ST8SIA6: variants seen among roughly 807,000 people sequenced by gnomAD.
ST8SIA6 encodes the protein alpha-2,8-sialyltransferase 8F.
Under a neutral mutation model 33.6 loss-of-function variants are expected in ST8SIA6, and 39 were observed. The ratio of observed to expected loss-of-function variants is 1.16; its 90% CI spans 0.90 to 1.52. ST8SIA6 has a LOEUF of 1.52. ST8SIA6 is among the 40% of genes most tolerant of loss of function. ST8SIA6 has a pLI of 0.00. For missense variants in ST8SIA6, 441 were observed against 443.8 expected, an observed-to-expected ratio of 0.99 and a Z score of 0.06; for synonymous variants, 172 against 167.2, an observed-to-expected ratio of 1.03 and a Z score of -0.22.
chr10:17,337,013 G>A lies in ST8SIA6; in HGVS notation c.378-5461C>T, dbSNP rs76536257. 1.9e-3 allele frequency among the ~76,000 whole-genome samples: 293 copies of A among 152,258 alleles called. 1 individual carries two copies. Among genetic ancestry groups the A allele is most frequent in the African/African-American group, 6.8e-3 (281 of 41,534 alleles). On this transcript the variant is annotated intron_variant, in intron 4 of 7. Transcript: ENST00000377602. The stretch of plus-strand genomic sequence containing the variant: ...CCTCATCCAAACCTCATGACGAATT[G>A]TAATCCCGTGTTGGAGGAGGGGCCC...
intron 4 of ST8SIA6, among the ~76,000 whole-genome samples, chr10:17,332,825 CT>C (rs956701897): frequency 1.3e-5 from 2 of 152,078 alleles, no homozygotes; most frequent in South Asian, 4.2e-4. Context: ...TGATGATGAG[CT>C]TTTTTTCATG....
intron 2 of ST8SIA6, chr10:17,408,428 G>A (rs950021048): frequency 6.6e-6 from 1 of 152,124 alleles, no homozygotes; most frequent in Non-Finnish European, 1.5e-5. Context: ...AGTTTGGGAG[G>A]CCGAGGAGGG....
intron 3 of ST8SIA6, among the ~76,000 whole-genome samples, chr10:17,361,717 A>AG (rs1849396819): frequency 6.6e-6 from 1 of 151,704 alleles, no homozygotes; most frequent in Admixed American, 6.6e-5. Context: ...ATTGGGAAAA[A>AG]AAAAAAAAAA....
chr10:17,430,379 T>C (rs1343377828), intron 2 of ST8SIA6, among the ~76,000 whole-genome samples: 1 of 152,212 alleles, frequency 6.6e-6, no homozygotes, highest in Non-Finnish European at 1.5e-5. Flanking sequence ...GTATTTTTCA[T>C]ATAGATTTCT....
intron 2 of ST8SIA6, among the ~76,000 whole-genome samples, chr10:17,450,648 G>A (rs549638607): frequency 3.9e-5 from 6 of 152,164 alleles, no homozygotes; most frequent in Middle Eastern, 3.4e-3. Context: ...CATCATGTTG[G>A]TCAGGCTAGT....
rs184318077 is a variant in ST8SIA6 at position 17,440,191 on chromosome 10, A to G, written c.200+13368T>C. ...AGTTTTGTAATAGTTTCTCAACTCA[A>G]TAGTTTCTCAAATGTATTTTTTTTT... On this transcript the variant is annotated intron_variant, in intron 2 of 7. Coordinates refer to ENST00000377602, the MANE Select transcript of ST8SIA6 (RefSeq NM_001004470.3). 4.0e-5 allele frequency among the ~76,000 whole-genome samples: 6 copies of G among 150,348 alleles called. No homozygotes were observed. The East Asian group carries it at 1.2e-3, about 29-fold the overall frequency.
chr10:17,426,666 T>C (rs1257469912), intron 2 of ST8SIA6, among the ~76,000 whole-genome samples: 1 of 152,180 alleles, frequency 6.6e-6, no homozygotes, highest in Non-Finnish European at 1.5e-5. Context: ...TTGTAAGACC[T>C]GAGGGGCTAC....
rs1848389026 is a variant in ST8SIA6, at chr10:17,333,700, TATATATATA to T, written c.378-2157_378-2149del. Among the ~76,000 whole-genome samples the T allele has an allele frequency of 1.1e-4, 3 of 27,276 alleles. 1 individual carries two copies. Among genetic ancestry groups the T allele is most frequent in the African/African-American group, 5.2e-4 (3 of 5,752 alleles). The allele number at this position is 27,276 out of a possible 152,430, so 17.9% of individuals were successfully genotyped here. On this transcript the variant is annotated intron_variant, in intron 4 of 7. Transcript: ENST00000377602. ...ATATATATATATATATATATATATATATATATATATATATATATTTTTTTTTTTTTTTTT... is the reference window on the plus strand; with the variant it reads ...ATATATATATATATATATATATATATTATATATATTTTTTTTTTTTTTTTT...
Position 17,379,727 on chromosome 10 carries a change from A to C in ST8SIA6, c.290+10804T>G, listed in dbSNP as rs537925381. Among the ~76,000 whole-genome samples the C allele has an allele frequency of 2.6e-5, 4 of 152,226 alleles. No individual in the cohort carries two copies. The East Asian group carries it at 5.8e-4, about 22-fold the overall frequency. ...TACTTCTTATATTGATTGATGTCTC[A>C]TGTCTCCCTAAAATGTATAAAACCA... On this transcript the variant is annotated intron_variant, in intron 3 of 7. Coordinates refer to ENST00000377602, the MANE Select transcript of ST8SIA6 (RefSeq NM_001004470.3).
chr10:17,364,374 AACCAAGTGAAT>A, intron 3 of ST8SIA6, among the ~76,000 whole-genome samples: 1 of 152,306 alleles, frequency 6.6e-6, no homozygotes, highest in Non-Finnish European at 1.5e-5. Flanking sequence ...TGGTATGTAA[AACCAAGTGAAT>A]ACCTTATAGC....
intron 2 of ST8SIA6, among the ~76,000 whole-genome samples, chr10:17,422,651 G>GAA (rs1851814658): frequency 6.6e-6 from 1 of 152,162 alleles, no homozygotes; most frequent in Non-Finnish European, 1.5e-5. Context: ...TAAACACTTA[G>GAA]TGAAACGGAC....
intron 3 of ST8SIA6, among the ~76,000 whole-genome samples, chr10:17,385,493 T>C (rs537980499): frequency 6.6e-5 from 10 of 151,066 alleles, no homozygotes; most frequent in African/African-American, 9.8e-5. Flanking sequence ...CAAAGGGAGA[T>C]AGGGGTGGGG....
intron 3 of ST8SIA6, among the ~76,000 whole-genome samples, chr10:17,384,519 C>T (rs1029766355): frequency 2.3e-4 from 35 of 152,246 alleles, no homozygotes; most frequent in African/African-American, 8.2e-4. Flanking sequence ...TGTTTCAAAA[C>T]GATAGTACAC....
chr10:17,345,959 G>A (rs533073059), intron 4 of ST8SIA6, among the ~76,000 whole-genome samples: 9 of 152,278 alleles, frequency 5.9e-5, no homozygotes, highest in African/African-American at 2.2e-4. Flanking sequence ...CTGGCCTTAG[G>A]AAGTGCTTGA....
intron 2 of ST8SIA6, among the ~76,000 whole-genome samples, chr10:17,416,109 C>T (rs982010334): frequency 1.3e-5 from 2 of 151,982 alleles, no homozygotes; most frequent in Non-Finnish European, 2.9e-5. Flanking sequence ...TACTGGGCCG[C>T]ACTTATCTTA....
intron 3 of ST8SIA6, among the ~76,000 whole-genome samples, chr10:17,376,172 A>C (rs1284594971): frequency 6.6e-6 from 1 of 152,184 alleles, no homozygotes; most frequent in African/African-American, 2.4e-5. Flanking sequence ...CGCCCCCTGC[A>C]GGCTGCGTGC....
At chr10:17,376,423 ACT>A (rs1564430207) in intron 3 of ST8SIA6, among the ~76,000 whole-genome samples, 1 of 152,170 alleles carries the variant, frequency 6.6e-6, no homozygotes, top group Non-Finnish European at 1.5e-5. Flanking sequence ...AATGGTAGAA[ACT>A]GAACAAACCT....
chr10:17,371,509 G>A (rs1849730907), intron 3 of ST8SIA6, among the ~76,000 whole-genome samples: 1 of 152,044 alleles, frequency 6.6e-6, no homozygotes, highest in African/African-American at 2.4e-5. Flanking sequence ...AAGGGCCTGG[G>A]CACACTGGCT....
At chr10:17,431,713 C>T (rs1409398159) in intron 2 of ST8SIA6, among the ~76,000 whole-genome samples, 4 of 148,044 alleles carry the variant, frequency 2.7e-5, no homozygotes, top group Non-Finnish European at 5.9e-5. Context: ...TGCAATTTCT[C>T]TGTGCCTCAT....
Sources: allele counts gnomAD v4.1 joint callset (sites outside exome capture counted in the v4.1 genomes callset), GRCh38; gene constraint gnomAD v4.1.1; transcripts MANE v1.5; gene names NCBI Gene and HGNC (gene_info 2026-07-23, HGNC 2026-07-21).